Variants in PTPRT observed in about 807,000 individuals in gnomAD.
PTPRT encodes the protein receptor-type tyrosine-protein phosphatase T.
PTPRT carries 56 observed loss-of-function variants against 176.8 expected under a neutral mutation model. The ratio of observed to expected loss-of-function variants is 0.32; its 90% confidence interval spans 0.26 to 0.40. The LOEUF is 0.40. Ranked by LOEUF, PTPRT falls within the 10% of genes least tolerant of loss-of-function variation. The pLI is 1.00. For synonymous variants in PTPRT, 783 were observed against 739.0 expected, an observed-to-expected ratio of 1.06 and a Z score of -0.96; for missense variants, 1,540 against 1,908.2, an observed-to-expected ratio of 0.81 and a Z score of 3.60.
intron 1 of PTPRT, among the ~76,000 whole-genome samples, chr20:43,033,352 C>T (rs573659399): frequency 4.4e-4 from 67 of 152,262 alleles, no homozygotes; most frequent in African/African-American, 1.5e-3. Flanking sequence ...ACCTGCCCAC[C>T]TCCTGTTGAG....
intron 1 of PTPRT, among the ~76,000 whole-genome samples, chr20:42,890,284 C>T (rs1198078581): frequency 6.6e-6 from 1 of 152,132 alleles, no homozygotes; most frequent in Admixed American, 6.5e-5. Flanking sequence ...GATTTTTAGG[C>T]AACTTTTATG....
chr20:42,511,509 CT>C (rs113472447), intron 7 of PTPRT, among the ~76,000 whole-genome samples: 80 of 144,330 alleles, frequency 5.5e-4, no homozygotes, highest in South Asian at 8.9e-4. Flanking sequence ...CGTTTGTGGA[CT>C]TTTTTTTTTT....
At chr20:42,994,054 AT>A (rs1366224237) in intron 1 of PTPRT, among the ~76,000 whole-genome samples, 1 of 152,160 alleles carries the variant, frequency 6.6e-6, no homozygotes, top group Admixed American at 6.5e-5. Context: ...TTGGGATGTT[AT>A]TCTTTGGATT....
intron 3 of PTPRT, among the ~76,000 whole-genome samples, chr20:42,783,708 G>A (rs1212398467): frequency 6.6e-6 from 1 of 152,154 alleles, no homozygotes; most frequent in Non-Finnish European, 1.5e-5. Flanking sequence ...TGAGGAGAGG[G>A]AGAATGGTTA....
chr20:42,538,634 C>T (rs900353445), intron 7 of PTPRT, among the ~76,000 whole-genome samples: 4 of 152,168 alleles, frequency 2.6e-5, no homozygotes, highest in Admixed American at 1.3e-4. Flanking sequence ...CATCATTGCT[C>T]AGTACAGAGA....
intron 9 of PTPRT, among the ~76,000 whole-genome samples, chr20:42,391,141 C>CTAGGT (rs781593456): frequency 2.0e-5 from 3 of 152,092 alleles, no homozygotes; most frequent in Non-Finnish European, 4.4e-5. Flanking sequence ...AGGAGCGTGG[C>CTAGGT]TAGGAACTCT....
At chr20:42,619,461 G>A (rs1258759689) in intron 7 of PTPRT, among the ~76,000 whole-genome samples, 3 of 126,040 alleles carry the variant, frequency 2.4e-5, no homozygotes, top group African/African-American at 3.8e-5. Context: ...GGCATTCTCT[G>A]TATTTCCTGA....
chr20:43,114,265 G>A (rs1000780894), intron 1 of PTPRT, among the ~76,000 whole-genome samples: 1 of 152,118 alleles, frequency 6.6e-6, no homozygotes, highest in Non-Finnish European at 1.5e-5. Context: ...CCAAGACTTA[G>A]TACATGAAGA....
intron 7 of PTPRT, among the ~76,000 whole-genome samples, chr20:42,535,351 T>A (rs989266777): frequency 3.3e-5 from 5 of 151,958 alleles, no homozygotes; most frequent in Non-Finnish European, 5.9e-5. Context: ...AGGGTGAGGA[T>A]CAAAGACTAT....
intron 6 of PTPRT, among the ~76,000 whole-genome samples, chr20:42,717,469 G>A (rs1025290257): frequency 3.3e-5 from 5 of 152,074 alleles, no homozygotes; most frequent in African/African-American, 1.2e-4. Flanking sequence ...CAGAATCAAA[G>A]TGACAGTTTT....
chr20:42,733,212 C>T (rs1051628989), intron 6 of PTPRT, among the ~76,000 whole-genome samples: 57 of 152,334 alleles, frequency 3.7e-4, no homozygotes, highest in African/African-American at 1.3e-3. Flanking sequence ...AACAAGGTAA[C>T]TCAGTCTTAG....
chr20:42,935,438 C>T (rs1002004786), intron 1 of PTPRT, among the ~76,000 whole-genome samples: 4 of 152,058 alleles, frequency 2.6e-5, no homozygotes, highest in Admixed American at 2.0e-4. Flanking sequence ...CTGCACCTGG[C>T]CTGCCATAAC....
chr20:42,646,632 A>G (rs1277411905), intron 7 of PTPRT, among the ~76,000 whole-genome samples: 1 of 152,132 alleles, frequency 6.6e-6, no homozygotes, highest in African/African-American at 2.4e-5. Flanking sequence ...CTCAGTAGCC[A>G]TGAGTCGCTG....
At position 42,908,381 on chromosome 20, in the gene PTPRT, T is replaced by G. The variant is rs527426501; in HGVS notation, c.89-22449A>C. Among the ~76,000 whole-genome samples, 4 of 152,234 alleles carry G rather than the reference T, an allele frequency of 2.6e-5. No individual in the cohort carries two copies. The East Asian group carries it at 7.7e-4, about 29-fold the overall frequency. ...AACTTAGAAAAGAGACTATCTGACA[T>G]GAGAAAATAATTCACAACAAATAAT... On this transcript the variant is annotated intron_variant, in intron 1 of 30. Transcript: ENST00000373187.
At chr20:42,385,002 T>C (rs2058731705) in intron 9 of PTPRT, among the ~76,000 whole-genome samples, 1 of 152,234 alleles carries the variant, frequency 6.6e-6, no homozygotes, top group African/African-American at 2.4e-5. Context: ...ATCAGGTATA[T>C]GGTATGCAAA....
At chr20:42,108,356 A>ATGACT (rs1006991757) in intron 23 of PTPRT, among the ~76,000 whole-genome samples, 27 of 152,270 alleles carry the variant, frequency 1.8e-4, no homozygotes, top group African/African-American at 5.1e-4. Context: ...CCTCGGGCAA[A>ATGACT]TGACTTAACC....
Position 42,953,012 on chromosome 20 carries a change from C to T in PTPRT, c.89-67080G>A, listed in dbSNP as rs145814588. Among the ~76,000 whole-genome samples, 963 of 152,312 alleles carry T rather than the reference C, an allele frequency of 6.3e-3. 9 individuals carry two copies. The highest frequency in any genetic ancestry group is 0.022 in the African/African-American group (922 of 41,554). On this transcript the variant is annotated intron_variant, in intron 1 of 30. Transcript: ENST00000373187. ...CAAAGCCATTACCTCCACTTTCATG[C>T]CCTTCAGCTCATGCCTTAAATGGGT...
chr20:42,518,931 T>C (rs2145487897), intron 7 of PTPRT, among the ~76,000 whole-genome samples: 1 of 152,274 alleles, frequency 6.6e-6, no homozygotes, highest in Admixed American at 6.5e-5. Flanking sequence ...GAGGTAACTG[T>C]AGATGTACAT....
At chr20:42,763,387 G>C (rs1314490276) in intron 5 of PTPRT, among the ~76,000 whole-genome samples, 1 of 152,106 alleles carries the variant, frequency 6.6e-6, no homozygotes, top group African/African-American at 2.4e-5. Context: ...ACTATGCCTG[G>C]TTTACAGAAG....
Sources: gnomAD v4.1 joint callset for allele counts (sites outside exome capture counted in the v4.1 genomes callset) on GRCh38, gnomAD v4.1.1 for gene constraint, MANE v1.5 for transcripts, NCBI Gene and HGNC (gene_info 2026-07-23, HGNC 2026-07-21) for gene names.